Variants in NRXN3 observed in about 807,000 individuals in gnomAD.
NRXN3 encodes the protein neurexin 3, also known as neurexin III.
Under a neutral mutation model 137.6 loss-of-function variants are expected in NRXN3, and 32 were observed. The observed-to-expected ratio is 0.23, with a 90% CI of 0.18 to 0.31. NRXN3 has a LOEUF of 0.31. Ranked by LOEUF, NRXN3 falls within the 10% of genes least tolerant of loss-of-function variation. NRXN3 has a pLI of 1.00. For missense variants in NRXN3, 1,574 were observed against 2,062.5 expected, an observed-to-expected ratio of 0.76 and a Z score of 4.59; for synonymous variants, 798 against 784.5, an observed-to-expected ratio of 1.02 and a Z score of -0.29.
At chr14:78,815,935 A>T (rs1460363891) in intron 10 of NRXN3, among the ~76,000 whole-genome samples, 1 of 152,188 alleles carries the variant, frequency 6.6e-6, no homozygotes, top group African/African-American at 2.4e-5. Flanking sequence ...CAGAGATGGA[A>T]AAGCAAGAGC....
intron 4 of NRXN3, among the ~76,000 whole-genome samples, chr14:78,405,613 C>CGAG (rs1555510782): frequency 1.6e-5 from 2 of 128,772 alleles, no homozygotes; most frequent in Non-Finnish European, 3.3e-5. Context: ...GGGGAAGGGG[C>CGAG]GGGGGGGTTC....
chr14:78,836,873 A>C (rs1215993830), intron 10 of NRXN3, among the ~76,000 whole-genome samples: 2 of 152,142 alleles, frequency 1.3e-5, no homozygotes, highest in African/African-American at 4.8e-5. Flanking sequence ...ACAGTGTTCC[A>C]GGGTCAGCCA....
chr14:78,753,385 C>G (rs2152956598), intron 8 of NRXN3, among the ~76,000 whole-genome samples: 1 of 152,286 alleles, frequency 6.6e-6, no homozygotes, highest in Admixed American at 6.5e-5. Flanking sequence ...TGAAACTGCT[C>G]TGGTTTTTGG....
intron 4 of NRXN3, among the ~76,000 whole-genome samples, chr14:78,528,755 A>G (rs1174514085): frequency 1.3e-5 from 2 of 152,190 alleles, no homozygotes; most frequent in Non-Finnish European, 2.9e-5. Context: ...GTGCAAGTAC[A>G]GATTTGGGGT....
At position 79,642,819 on chromosome 14, in the gene NRXN3, A is replaced by G. The variant is rs1242169069; in HGVS notation, c.3445-20959A>G. Among the ~76,000 whole-genome samples the G allele has an allele frequency of 1.5e-5, 2 of 136,092 alleles. 1 individual carries two copies. The highest frequency in any genetic ancestry group is 3.4e-5 in the Non-Finnish European group (2 of 58,484). The allele number at this position is 136,092 out of a possible 152,430, so 89.3% of individuals were successfully genotyped here. On this transcript the variant is annotated intron_variant, in intron 16 of 20. Transcript: ENST00000335750. ...AAGATGAGATTAGTTTGATGTGACT[A>G]TTCTTTGTGAAGCTGTACTAGCTAA... is the stretch of plus-strand genomic sequence containing the variant.
chr14:78,796,519 C>G (rs1211968894), intron 8 of NRXN3, among the ~76,000 whole-genome samples: 4 of 152,160 alleles, frequency 2.6e-5, no homozygotes, highest in Admixed American at 6.6e-5. Context: ...TTATAGGGAG[C>G]AGGCAGCTCT....
chr14:79,105,529 C>A (rs1399906727), intron 15 of NRXN3, among the ~76,000 whole-genome samples: 3 of 151,958 alleles, frequency 2.0e-5, no homozygotes, highest in Non-Finnish European at 2.9e-5. Flanking sequence ...TGAGTTTTAC[C>A]CAATGGGTAA....
At chr14:79,177,658 G>A (rs1475047794) in intron 15 of NRXN3, among the ~76,000 whole-genome samples, 1 of 152,166 alleles carries the variant, frequency 6.6e-6, no homozygotes, top group South Asian at 2.1e-4. Context: ...TCTTACAGGT[G>A]TCTTTCCCTC....
chr14:78,751,371 T>C (rs181487566), intron 8 of NRXN3, among the ~76,000 whole-genome samples: 2 of 152,214 alleles, frequency 1.3e-5, no homozygotes, highest in African/African-American at 2.4e-5. Flanking sequence ...TGCCCCCCAG[T>C]GTGGTGATGT....
At position 79,711,363 on chromosome 14, in the gene NRXN3, T is replaced by G. The variant is rs568182857; in HGVS notation, c.4014+13426T>G. On this transcript the variant is annotated intron_variant, in intron 19 of 20. Coordinates refer to ENST00000335750, the MANE Select transcript of NRXN3 (RefSeq NM_001330195.2). ...GTCCAGGGGCAAATTGCTCAACCACTTTATAAAAAATGTAAACAACAGGTA... is the reference window on the plus strand; with the variant it reads ...GTCCAGGGGCAAATTGCTCAACCACGTTATAAAAAATGTAAACAACAGGTA... Among the ~76,000 whole-genome samples the G allele has an allele frequency of 9.8e-4, 149 of 152,288 alleles. 1 individual carries two copies. Among genetic ancestry groups the G allele is most frequent in the African/African-American group, 3.4e-3 (141 of 41,560 alleles).
At chr14:78,350,295 A>G (rs1488555255) in intron 4 of NRXN3, among the ~76,000 whole-genome samples, 1 of 152,118 alleles carries the variant, frequency 6.6e-6, no homozygotes, top group Non-Finnish European at 1.5e-5. Flanking sequence ...ATCTCAAAAA[A>G]AAAAAAAAAT....
At chr14:78,757,487 T>A (rs963145051) in intron 8 of NRXN3, among the ~76,000 whole-genome samples, 1 of 151,824 alleles carries the variant, frequency 6.6e-6, no homozygotes, top group Non-Finnish European at 1.5e-5. Flanking sequence ...AGCCCAGTGT[T>A]AGGAAAGGCT....
intron 15 of NRXN3, among the ~76,000 whole-genome samples, chr14:79,340,003 G>A (rs1456206057): frequency 6.6e-6 from 1 of 152,148 alleles, no homozygotes; most frequent in Non-Finnish European, 1.5e-5. Context: ...TCTCTCTGAA[G>A]TGTTTTCCTA....
At chr14:79,726,186 T>C (rs1020121221) in intron 19 of NRXN3, among the ~76,000 whole-genome samples, 4 of 152,192 alleles carry the variant, frequency 2.6e-5, no homozygotes, top group African/African-American at 9.6e-5. Context: ...AAAAGGAAGT[T>C]TTAATGAAAA....
At chr14:79,624,307 T>C (rs1228497276) in intron 16 of NRXN3, among the ~76,000 whole-genome samples, 4 of 152,206 alleles carry the variant, frequency 2.6e-5, no homozygotes, top group Non-Finnish European at 2.9e-5. Context: ...TATCTTTCCA[T>C]TGGTTCACAG....
chr14:79,266,390 A>T lies in NRXN3; in HGVS notation c.3263-200831A>T, dbSNP rs561197974. 7.6e-3 allele frequency among the ~76,000 whole-genome samples: 1,161 copies of T among 152,102 alleles called. 23 individuals are homozygous for T. In the South Asian group the frequency reaches 0.079, roughly 10 times the overall value. ...ATATAACCTTTAGAGCCAAATATAT[A>T]TGCTTTCTCTTCTTTCTCTTAAAGG... On this transcript the variant is annotated intron_variant, in intron 15 of 20. Transcript: ENST00000335750.
intron 15 of NRXN3, among the ~76,000 whole-genome samples, chr14:79,311,024 G>T (rs968993710): frequency 7.9e-6 from 1 of 127,374 alleles, no homozygotes; most frequent in Admixed American, 7.9e-5. Flanking sequence ...TTTTCAAAGG[G>T]AATGCTTCCA....
intron 16 of NRXN3, among the ~76,000 whole-genome samples, chr14:79,531,729 A>T (rs552505965): frequency 6.6e-6 from 1 of 152,342 alleles, no homozygotes; most frequent in African/African-American, 2.4e-5. Flanking sequence ...TCGGACCATG[A>T]TATCCAGTTT....
At chr14:79,388,121 T>A (rs879295611) in intron 15 of NRXN3, among the ~76,000 whole-genome samples, 1 of 151,872 alleles carries the variant, frequency 6.6e-6, no homozygotes. Flanking sequence ...AAGTAGGATA[T>A]TTTTTAAAAA....
Sources: gnomAD v4.1 joint callset for allele counts (sites outside exome capture counted in the v4.1 genomes callset) on GRCh38, gnomAD v4.1.1 for gene constraint, MANE v1.5 for transcripts, NCBI Gene and HGNC (gene_info 2026-07-23, HGNC 2026-07-21) for gene names.